Variants in MROH7 observed in about 807,000 individuals in gnomAD.
The protein encoded by MROH7 is maestro heat like repeat family member 7, also known as maestro heat-like repeat-containing protein family member 7.
Under a neutral mutation model 129.2 loss-of-function variants are expected in MROH7, and 113 were observed. The ratio of observed to expected loss-of-function variants is 0.87; its 90% CI spans 0.75 to 1.02. The LOEUF (loss-of-function observed/expected upper bound fraction) is 1.02, where lower values mean the gene tolerates loss of function less well. Among genes scored for constraint, MROH7 ranks in the 50% least tolerant of loss-of-function variants. The pLI, the probability that MROH7 is intolerant of heterozygous loss-of-function variation, is 0.00. For missense variants in MROH7, 1,601 were observed against 1,671.3 expected (o/e 0.96, Z 0.73); for synonymous variants, 655 against 667.9 (o/e 0.98, Z 0.30).
At chr1:54,669,040 A>G (rs991516053) in intron 5 of MROH7, 103 bp downstream of exon 5, 5 of 801,002 alleles carry the variant, frequency 6.2e-6, no homozygotes, top group Non-Finnish European at 1.0e-5. Flanking sequence ...TGAGGTAGGA[A>G]GAGGACGGGA....
intron 17 of MROH7, 59 bp from the exon 18 acceptor site, chr1:54,700,262 G>T: frequency 6.2e-7 from 1 of 1,609,412 alleles, no homozygotes; most frequent in Non-Finnish European, 8.5e-7. Context: ...GTGCATGGGA[G>T]GCCAGGGGGC....
At chr1:54,695,074 C>T (rs966102974) in intron 16 of MROH7, among the ~76,000 whole-genome samples, 2 of 152,334 alleles carry the variant, frequency 1.3e-5, no homozygotes, top group South Asian at 4.1e-4. Flanking sequence ...CCTCTCCTTC[C>T]TCTCTCTGCT....
Position 54,676,821 on chromosome 1 carries a change from G to A in MROH7, c.1937-1921G>A, listed in dbSNP as rs1055803872. Among the ~76,000 whole-genome samples, 12 of 151,646 alleles carry A rather than the reference G, an allele frequency of 7.9e-5. 1 individual carries two copies. Among genetic ancestry groups the A allele is most frequent in the Admixed American group, 3.9e-4 (6 of 15,202 alleles). On this transcript the variant is annotated intron_variant, in intron 10 of 23. Transcript: ENST00000421030. ...CCTCCCGGGTTCAAGAGATTCTCCT[G>A]CCTTAGCCTCCTGAGTAGCTGGGAT...
rs151176802 is a variant in MROH7 at position 54,702,209 on chromosome 1, G to T, written c.3405G>T (p.Leu1135=). 0.014 allele frequency: 22,794 copies of T among 1,584,984 alleles called. 438 individuals carry two copies. The highest frequency in any genetic ancestry group is 0.092 in the Admixed American group (5,038 of 54,556). ...TGGTCAGCACCTTGGTGCCCCTACT[G>T]CTGACCATGCAGGAGGGCAACTCCA... The part of the protein sequence containing the change: ...EQLVSTLVPL[L]LTMQEGNSKV... Residue 1135 remains leucine (L), a synonymous_variant, in exon 20 of 24, where the codon CTG becomes CTT. Coordinates refer to ENST00000421030, the MANE Select transcript of MROH7 (RefSeq NM_001039464.4).
chr1:54,665,131 C>G, intron 3 of MROH7, 36 bp from the exon 4 acceptor site: 1 of 1,563,180 alleles, frequency 6.4e-7, no homozygotes, highest in Non-Finnish European at 8.8e-7. Context: ...TACATCACAG[C>G]TTTATCCACC....
chr1:54,654,020 T>C lies in MROH7; in HGVS notation c.1094T>C (p.Ile365Thr), dbSNP rs202100410. Residue 365 changes from isoleucine (I) to threonine (T), a missense_variant, in exon 3 of 24, where the codon ATC becomes ACC. By Grantham distance (89) the Ile-to-Thr change is moderately conservative. Transcript: ENST00000421030. ...SQQDDAKDNS[I>T]HTVPLEENLE... ...CAGGATGATGCCAAGGACAACAGCA[T>C]CCACACTGTGCCCCTGGAGGAGAAT... 2.9e-5 allele frequency: 47 copies of C among 1,614,172 alleles called. No individual in the cohort carries two copies. In the African/African-American group the frequency reaches 5.9e-4, roughly 20 times the overall value.
At chr1:54,667,066 A>G (rs1238218868) in intron 4 of MROH7, among the ~76,000 whole-genome samples, 1 of 152,172 alleles carries the variant, frequency 6.6e-6, no homozygotes, top group Non-Finnish European at 1.5e-5. Context: ...TTGAGCCTCT[A>G]CTATGTGCCA....
chr1:54,656,850 C>G (rs1013730734), intron 3 of MROH7, among the ~76,000 whole-genome samples: 1 of 151,886 alleles, frequency 6.6e-6, no homozygotes, highest in East Asian at 1.9e-4. Flanking sequence ...AAAAAAGTTT[C>G]TTTTTTTCCA....
chr1:54,650,271 T>A (rs2101060228), intron 1 of MROH7, among the ~76,000 whole-genome samples: 1 of 152,338 alleles, frequency 6.6e-6, no homozygotes, highest in Non-Finnish European at 1.5e-5. Flanking sequence ...TCACCCATAC[T>A]AGCAAGAGGT....
chr1:54,702,097 A>G lies in MROH7; in HGVS notation c.3293A>G (p.Glu1098Gly), dbSNP rs1476168146. The change falls in exon 20 of 24, where the codon GAG becomes GGG. Residue 1098 changes from glutamate (E) to glycine (G), a missense_variant. Transcript: ENST00000421030. ...ILLPHFSDAR[E>G]VVRSSCINLY... ...GCCTTTGGTCTTCCCCAGGCACGAG[A>G]GGTCGTGCGCTCCTCCTGCATCAAC... The G allele has an allele frequency of 1.5e-5, 24 of 1,594,748 alleles. No individual in the cohort carries two copies. The highest frequency in any genetic ancestry group is 2.0e-5 in the Non-Finnish European group (23 of 1,169,452).
chr1:54,648,881 G>T (rs1356655765), intron 1 of MROH7, among the ~76,000 whole-genome samples: 3 of 152,102 alleles, frequency 2.0e-5, no homozygotes, highest in African/African-American at 7.2e-5. Flanking sequence ...GGCCAAAATT[G>T]GGTGCAGCAA....
At chr1:54,701,041 G>T in intron 18 of MROH7, 102 bp from the exon 19 acceptor site, 1 of 1,293,386 alleles carries the variant, frequency 7.7e-7, no homozygotes. Context: ...CCTGGAAGTG[G>T]GGATTGGGCC....
At chr1:54,671,223 T>C (rs1414307844) in intron 7 of MROH7, among the ~76,000 whole-genome samples, 5 of 145,600 alleles carry the variant, frequency 3.4e-5, no homozygotes, top group African/African-American at 1.3e-4. Context: ...CCGTCTCTAC[T>C]GAAAATACAA....
At chr1:54,661,920 T>TA (rs1023812882) in intron 3 of MROH7, among the ~76,000 whole-genome samples, 29 of 152,088 alleles carry the variant, frequency 1.9e-4, no homozygotes, top group African/African-American at 5.3e-4. Flanking sequence ...TAAATGATTT[T>TA]AAAAAACCAA....
chr1:54,684,277 C>G (rs1358889434), intron 14 of MROH7, among the ~76,000 whole-genome samples: 2 of 152,208 alleles, frequency 1.3e-5, no homozygotes, highest in African/African-American at 2.4e-5. Flanking sequence ...ATGTCTCCCC[C>G]CAGGTCACCT....
chr1:54,662,568 T>A (rs1644748844), intron 3 of MROH7, among the ~76,000 whole-genome samples: 1 of 150,474 alleles, frequency 6.6e-6, no homozygotes, highest in African/African-American at 2.5e-5. Context: ...AAACGTACTA[T>A]AAATTTTTTT....
intron 1 of MROH7, among the ~76,000 whole-genome samples, chr1:54,644,270 T>C (rs1167414980): frequency 6.6e-6 from 1 of 151,946 alleles, no homozygotes; most frequent in Non-Finnish European, 1.5e-5. Flanking sequence ...TTCTCTTTGT[T>C]GTTTAGACCT....
At chr1:54,657,368 C>T (rs1409036854) in intron 3 of MROH7, among the ~76,000 whole-genome samples, 4 of 151,792 alleles carry the variant, frequency 2.6e-5, no homozygotes, top group Admixed American at 1.3e-4. Flanking sequence ...CCATCTTAAA[C>T]ATTTTTAAAT....
intron 22 of MROH7, among the ~76,000 whole-genome samples, chr1:54,706,945 A>T (rs1645544081): frequency 3.3e-5 from 5 of 152,096 alleles, no homozygotes; most frequent in Non-Finnish European, 7.4e-5. Context: ...GTGTCACCCT[A>T]ACTGGATTAT....
Sources: gnomAD v4.1 joint callset for allele counts (sites outside exome capture counted in the v4.1 genomes callset) on GRCh38, gnomAD v4.1.1 for gene constraint, MANE v1.5 for transcripts, NCBI Gene and HGNC (gene_info 2026-07-23, HGNC 2026-07-21) for gene names.